Variants in PARP12 observed in about 807,000 individuals in gnomAD.
The protein encoded by PARP12 is protein mono-ADP-ribosyltransferase PARP12.
Under a neutral mutation model 72.4 loss-of-function variants are expected in PARP12, and 59 were observed. The observed-to-expected ratio is 0.81, with a 90% confidence interval of 0.66 to 1.01. PARP12 has a LOEUF of 1.01. PARP12 is among the 50% of genes least tolerant of loss of function. The pLI is 0.00. For synonymous variants in PARP12, 403 were observed against 371.4 expected (o/e 1.09, Z -0.98); for missense variants, 851 against 914.0 (o/e 0.93, Z 0.89).
intron 5 of PARP12, among the ~76,000 whole-genome samples, chr7:140,043,611 T>C (rs1042447088): frequency 6.6e-6 from 1 of 152,156 alleles, no homozygotes; most frequent in African/African-American, 2.4e-5. Flanking sequence ...CATCGTGATC[T>C]CCGCCTCCCG....
chr7:140,053,006 C>T (rs1346345819), intron 4 of PARP12, among the ~76,000 whole-genome samples: 8 of 152,142 alleles, frequency 5.3e-5, no homozygotes, highest in Admixed American at 5.2e-4. Flanking sequence ...CTGGTGGGAA[C>T]ATAAAATATT....
Position 140,062,814 on chromosome 7 carries a change from G to A in PARP12, c.34C>T (p.Gln12Ter). ...GCGCCCCCGGCCGCGCACAGCACCT[G>A]GGTGACCTCACCGACGACGCCGGCC... ...AQAGVVGEVT[Q>*]VLCAAGGALE... The change falls in exon 1 of 12, where the codon CAG becomes TAG. Residue 12 changes from glutamine (Q) to a stop codon, truncating the protein, a stop_gained. Transcript: ENST00000263549. LOFTEE classifies it high-confidence loss of function. 2 of 1,411,360 alleles carry A rather than the reference G, an allele frequency of 1.4e-6. No individual in the cohort carries two copies. The highest frequency in any genetic ancestry group is 1.9e-6 in the Non-Finnish European group (2 of 1,080,882). 87.4% of individuals were successfully genotyped at this position (1,411,360 alleles called of 1,614,324 possible).
At chr7:140,046,822 G>GTC in intron 5 of PARP12, 62 bp downstream of exon 5, 1 of 1,511,242 alleles carries the variant, frequency 6.6e-7, no homozygotes, top group South Asian at 1.2e-5. Flanking sequence ...GTGTGTGTGT[G>GTC]TGTGTGTGTG....
At chr7:140,044,487 TGGA>T (rs1402447660) in intron 5 of PARP12, among the ~76,000 whole-genome samples, 1 of 152,162 alleles carries the variant, frequency 6.6e-6, no homozygotes, top group Non-Finnish European at 1.5e-5. Flanking sequence ...ATCAGAATCC[TGGA>T]GGAGGCAAGA....
At position 140,037,871 on chromosome 7, in the gene PARP12, C is replaced by A; in HGVS notation, c.1183-15G>T. ...TGCACCGTGCCCTGCGATGGAAAGCCAGACACTTTATGAAGGCAAGAAACT... is the reference window on the plus strand; with the variant it reads ...TGCACCGTGCCCTGCGATGGAAAGCAAGACACTTTATGAAGGCAAGAAACT... On this transcript the variant is annotated splice_polypyrimidine_tract_variant and intron_variant, in intron 6 of 11. Transcript: ENST00000263549. 6.2e-7 allele frequency: 1 copy of A among 1,600,942 alleles called. No homozygotes were observed. Among genetic ancestry groups the A allele is most frequent in the Non-Finnish European group, 8.6e-7 (1 of 1,169,472 alleles).
Position 140,044,596 on chromosome 7 carries a change from T to C in PARP12, c.986+2288A>G, listed in dbSNP as rs138507462. Among the ~76,000 whole-genome samples the C allele has an allele frequency of 1.2e-4, 18 of 152,226 alleles. No individual in the cohort carries two copies. The East Asian group carries it at 3.5e-3, about 29-fold the overall frequency. On this transcript the variant is annotated intron_variant, in intron 5 of 11. Coordinates refer to ENST00000263549, the MANE Select transcript of PARP12 (RefSeq NM_022750.4). ...CCAGAACCGAGAAAATAAATTTCTGTTGTTTGAAGCCATCAAGTTCATGGT... is the reference window on the plus strand; with the variant it reads ...CCAGAACCGAGAAAATAAATTTCTGCTGTTTGAAGCCATCAAGTTCATGGT...
intron 11 of PARP12, chr7:140,025,291 G>T: frequency 3.4e-6 from 1 of 295,936 alleles, no homozygotes; most frequent in Non-Finnish European, 6.7e-6. Flanking sequence ...GCAGTCTGTA[G>T]ACTCTGGCAG....
intron 5 of PARP12, among the ~76,000 whole-genome samples, chr7:140,045,828 C>G (rs1164575865): frequency 6.6e-6 from 1 of 152,160 alleles, no homozygotes; most frequent in Non-Finnish European, 1.5e-5. Context: ...CTTCCTCTGC[C>G]GGGAAGTGTC....
chr7:140,042,674 C>T (rs531130000), intron 5 of PARP12, among the ~76,000 whole-genome samples: 1 of 152,300 alleles, frequency 6.6e-6, no homozygotes, highest in Non-Finnish European at 1.5e-5. Flanking sequence ...GGAGAGGGGA[C>T]TTGCCTTGCA....
At chr7:140,054,882 C>T (rs1817118917) in intron 3 of PARP12, 119 bp from the exon 4 acceptor site, 2 of 828,842 alleles carry the variant, frequency 2.4e-6, no homozygotes, top group Non-Finnish European at 3.9e-6. Context: ...AAAGCCCTAT[C>T]GTGTTTGGGG....
rs1342775057 is a variant in PARP12, at chr7:140,035,944, GGAGGAGGAC to G, written c.1325-1622_1325-1614del. ...AGGAGGACAAGGAGGAGGAGGAGGA[GGAGGAGGAC>G]GAGGAGGAGGAGGAGGACGAGGAGG... On this transcript the variant is annotated intron_variant, in intron 7 of 11. Transcript: ENST00000263549. 7.1e-3 allele frequency among the ~76,000 whole-genome samples: 840 copies of G among 117,654 alleles called. 87 individuals carry two copies. Among genetic ancestry groups the G allele is most frequent in the South Asian group, 0.011 (40 of 3,760 alleles). The allele number at this position is 117,654 out of a possible 152,430, so 77.2% of individuals were successfully genotyped here. A position where few individuals can be genotyped will look rare whatever the true frequency, so the allele number is the denominator to read the frequency against.
chr7:140,054,570 G>A, intron 4 of PARP12, 92 bp downstream of exon 4: 1 of 1,089,858 alleles, frequency 9.2e-7, no homozygotes, highest in Non-Finnish European at 1.4e-6. Context: ...TGGGGTAGAG[G>A]TTTGGTAGGG....
At chr7:140,047,788 G>A (rs921882853) in intron 4 of PARP12, among the ~76,000 whole-genome samples, 28 of 151,984 alleles carry the variant, frequency 1.8e-4, no homozygotes, top group Admixed American at 1.7e-3. Flanking sequence ...GCTAATTTTT[G>A]TATTTTTTGT....
chr7:140,024,265 G>A lies in PARP12; in HGVS notation c.*295C>T, dbSNP rs1331936273. The A allele has an allele frequency of 2.4e-6, 1 of 408,364 alleles. No homozygotes were observed. Among genetic ancestry groups the A allele is most frequent in the South Asian group, 2.3e-5 (1 of 44,304 alleles). The allele number at this position is 408,364 out of a possible 1,614,324, so 25.3% of individuals were successfully genotyped here. A position where few individuals can be genotyped will look rare whatever the true frequency, so the allele number is the denominator to read the frequency against. On this transcript the variant is annotated 3_prime_UTR_variant, in exon 12 of 12. Transcript: ENST00000263549. ...CCATAAAATTGTATCTAGAAACTCT[G>A]TCCCTGGTGCCAATAAGCAGCAAAG...
chr7:140,036,364 C>T (rs982379584), intron 7 of PARP12, among the ~76,000 whole-genome samples: 2 of 152,210 alleles, frequency 1.3e-5, no homozygotes, highest in Non-Finnish European at 2.9e-5. Context: ...AACGTCTATG[C>T]TCTCACTGGT....
chr7:140,035,968 GGAC>G (rs879612876), intron 7 of PARP12, among the ~76,000 whole-genome samples: 5,913 of 76,146 alleles, frequency 0.078, 1,543 homozygotes, highest in African/African-American at 0.28. Context: ...AGGAGGAGGA[GGAC>G]GAGGAGGAGG....
At chr7:140,033,785 C>A in intron 8 of PARP12, 1 of 987,732 alleles carries the variant, frequency 1.0e-6, no homozygotes, top group Non-Finnish European at 1.2e-6. Context: ...GAAGCTCGCC[C>A]ATTAGTGACT....
intron 4 of PARP12, among the ~76,000 whole-genome samples, chr7:140,050,286 C>A (rs751226279): frequency 6.6e-6 from 1 of 152,146 alleles, no homozygotes; most frequent in Non-Finnish European, 1.5e-5. Flanking sequence ...ACAATGGGAG[C>A]CCCTGGCAGA....
Position 140,056,936 on chromosome 7 carries a change from T to G in PARP12, c.680A>C (p.Tyr227Ser). ...SDLVSRLPTIYRNAHDIKNKS... is the reference protein window; with the variant it reads ...SDLVSRLPTISRNAHDIKNKS... ...ATTCTTGATGTCATGTGCATTTCTA[T>G]AAATGGTAGGCAGCCTGCTCACCAG... The change falls in exon 3 of 12, where the codon TAT becomes TCT. Residue 227 changes from tyrosine (Y) to serine (S), a missense_variant. By Grantham distance (144) the Tyr-to-Ser change is moderately radical (BLOSUM62 -2). Coordinates refer to ENST00000263549, the MANE Select transcript of PARP12 (RefSeq NM_022750.4). 1 of 1,614,110 alleles carries G rather than the reference T, an allele frequency of 6.2e-7. No individual in the cohort carries two copies. The highest frequency in any genetic ancestry group is 8.5e-7 in the Non-Finnish European group (1 of 1,180,036).
Sources: gnomAD v4.1 joint callset for allele counts (sites outside exome capture counted in the v4.1 genomes callset) on GRCh38, gnomAD v4.1.1 for gene constraint, MANE v1.5 for transcripts, NCBI Gene and HGNC (gene_info 2026-07-23, HGNC 2026-07-21) for gene names.